Variants in DAB1 observed in about 807,000 individuals in gnomAD.
DAB1 encodes disabled homolog 1.
In DAB1, 15 loss-of-function variants were observed where a neutral mutation model predicts 64.6. The ratio of observed to expected loss-of-function variants is 0.23; its 90% CI spans 0.16 to 0.36. DAB1 has a LOEUF of 0.36. Ranked by LOEUF, DAB1 falls within the 10% of genes least tolerant of loss-of-function variation. The pLI is 1.00. For missense variants in DAB1, 596 were observed against 706.7 expected (o/e 0.84, Z 1.78); for synonymous variants, 235 against 251.9 (o/e 0.93, Z 0.64).
intron 7 of DAB1, among the ~76,000 whole-genome samples, chr1:57,579,203 C>A (rs549117904): frequency 1.3e-5 from 2 of 152,206 alleles, no homozygotes; most frequent in Non-Finnish European, 2.9e-5. Flanking sequence ...GGACTGAGAG[C>A]TAAAGTATAG....
chr1:58,234,478 C>A (rs1659921952), intron 4 of DAB1, among the ~76,000 whole-genome samples: 1 of 152,190 alleles, frequency 6.6e-6, no homozygotes, highest in Non-Finnish European at 1.5e-5. Flanking sequence ...ACCTTCCCAG[C>A]AGGCAATGTG....
intron 2 of DAB1, among the ~76,000 whole-genome samples, chr1:58,510,543 T>G (rs76474507): frequency 0.081 from 12,292 of 152,114 alleles, 522 homozygotes; most frequent in Middle Eastern, 0.16. Flanking sequence ...AACAAAAATT[T>G]TTTCCTCTAA....
At chr1:57,456,472 T>C (rs553300765) in intron 7 of DAB1, among the ~76,000 whole-genome samples, 1 of 152,238 alleles carries the variant, frequency 6.6e-6, no homozygotes, top group Admixed American at 6.5e-5. Flanking sequence ...ATAAAGTAAA[T>C]TTAAAATAAA....
At chr1:57,087,915 G>T (rs1653250720) in intron 4 of DAB1, among the ~76,000 whole-genome samples, 1 of 152,172 alleles carries the variant, frequency 6.6e-6, no homozygotes, top group African/African-American at 2.4e-5. Flanking sequence ...CTGGTGCAGG[G>T]ATCATAATAG....
In DAB1 at chr1:57,011,136, G is replaced by A; in HGVS notation, c.1572+9C>T. 2.5e-6 allele frequency: 4 copies of A among 1,613,814 alleles called. No individual in the cohort carries two copies. The highest frequency in any genetic ancestry group is 2.2e-5 in the South Asian group (2 of 91,040). On this transcript the variant is annotated intron_variant, in intron 13 of 14. Coordinates refer to ENST00000371236, the MANE Select transcript of DAB1 (RefSeq NM_001365792.1). ...AAAAACACAAACAAATAACAAACTGGTCACTTACAGCTTCTTGCTCTTCGC... is the reference window on the plus strand; with the variant it reads ...AAAAACACAAACAAATAACAAACTGATCACTTACAGCTTCTTGCTCTTCGC...
At chr1:57,095,283 G>C (rs573311334) in intron 4 of DAB1, among the ~76,000 whole-genome samples, 266 of 152,302 alleles carry the variant, frequency 1.7e-3, no homozygotes, top group African/African-American at 5.9e-3. Context: ...ACACTGCCTT[G>C]TTGGTTTGTC....
chr1:57,104,492 C>A (rs750911992), intron 4 of DAB1, among the ~76,000 whole-genome samples: 1 of 152,146 alleles, frequency 6.6e-6, no homozygotes, highest in African/African-American at 2.4e-5. Flanking sequence ...GGAATTAGGG[C>A]AGGGAGGGCT....
At chr1:57,805,981 C>A (rs970121024) in intron 6 of DAB1, among the ~76,000 whole-genome samples, 3 of 152,186 alleles carry the variant, frequency 2.0e-5, no homozygotes, top group African/African-American at 7.2e-5. Context: ...CTACTCTTAA[C>A]AAATTAGGTA....
At chr1:57,500,856 G>A (rs1341320) in intron 7 of DAB1, among the ~76,000 whole-genome samples, 120,869 of 152,158 alleles carry the variant, frequency 0.79, 50,672 homozygotes, top group Non-Finnish European at 0.93. Context: ...TGGTCATGGA[G>A]GTGAATTCTG....
At chr1:57,198,868 T>C (rs1472368893) in intron 2 of DAB1, among the ~76,000 whole-genome samples, 1 of 151,906 alleles carries the variant, frequency 6.6e-6, no homozygotes, top group Non-Finnish European at 1.5e-5. Flanking sequence ...TGGAAGGAAG[T>C]GTGGGGCACT....
chr1:58,393,019 T>C (rs954522917), intron 3 of DAB1, among the ~76,000 whole-genome samples: 4 of 152,124 alleles, frequency 2.6e-5, no homozygotes, highest in African/African-American at 9.7e-5. Flanking sequence ...GAGTTCCAGC[T>C]GTGGCTATCT....
At chr1:57,382,747 G>A (rs369472524) in intron 1 of DAB1, among the ~76,000 whole-genome samples, 2 of 152,124 alleles carry the variant, frequency 1.3e-5, no homozygotes, top group African/African-American at 2.4e-5. Context: ...CAGATGGTTC[G>A]ATTGGTCCAC....
At chr1:57,028,652 G>C (rs1646866657) in intron 9 of DAB1, among the ~76,000 whole-genome samples, 3 of 152,168 alleles carry the variant, frequency 2.0e-5, no homozygotes, top group South Asian at 4.1e-4. Context: ...TCAGGCTGAG[G>C]TGGTCTCAGA....
At position 57,889,902 on chromosome 1, in the gene DAB1, G is replaced by C. The variant is rs568302149; in HGVS notation, n.388-5740C>G. Reference sequence around the variant, plus strand: ...CAGATGGTAGCACAAACTGGGGCGGGGGGGGGGGAGGGGGAAGAAATCACT... The same window carrying C: ...CAGATGGTAGCACAAACTGGGGCGGCGGGGGGGGAGGGGGAAGAAATCACT... On this transcript the variant is annotated intron_variant and non_coding_transcript_variant, in intron 5 of 20. Transcript: ENST00000485760. Among the ~76,000 whole-genome samples, 46 of 128,318 alleles carry C rather than the reference G, an allele frequency of 3.6e-4. No individual in the cohort carries two copies. In the East Asian group the frequency reaches 4.7e-3, roughly 13 times the overall value. 84.2% of individuals were successfully genotyped at this position (128,318 alleles called of 152,430 possible).
intron 1 of DAB1, among the ~76,000 whole-genome samples, chr1:57,849,599 C>A (rs184624687): frequency 2.1e-4 from 32 of 152,276 alleles, no homozygotes; most frequent in Admixed American, 1.2e-3. Flanking sequence ...AGAAATGATC[C>A]TCTCTAGGGA....
chr1:58,300,608 GAAAGAGAGAGA>G (rs1662116894), intron 4 of DAB1, among the ~76,000 whole-genome samples: 7 of 35,330 alleles, frequency 2.0e-4, no homozygotes, highest in African/African-American at 9.2e-5. Context: ...AAGAAAGAAA[GAAAGAGAGAGA>G]GAGAGAGAGA....
chr1:57,634,028 C>A (rs552416145), intron 7 of DAB1, among the ~76,000 whole-genome samples: 1 of 152,288 alleles, frequency 6.6e-6, no homozygotes, highest in East Asian at 1.9e-4. Context: ...CTGGCGCATC[C>A]TGGACCATGG....
intron 4 of DAB1, among the ~76,000 whole-genome samples, chr1:58,275,927 C>G (rs940208518): frequency 2.6e-5 from 4 of 152,198 alleles, no homozygotes; most frequent in African/African-American, 9.7e-5. Flanking sequence ...CAGCCCAAAT[C>G]TCTAACAACA....
chr1:58,266,859 C>A (rs1027467825), intron 4 of DAB1, among the ~76,000 whole-genome samples: 1 of 152,038 alleles, frequency 6.6e-6, no homozygotes, highest in Non-Finnish European at 1.5e-5. Context: ...AGCTGTAGTC[C>A]GTACTCTTAC....
Sources: allele counts gnomAD v4.1 joint callset (sites outside exome capture counted in the v4.1 genomes callset), GRCh38; gene constraint gnomAD v4.1.1; transcripts MANE v1.5; gene names NCBI Gene and HGNC (gene_info 2026-07-23, HGNC 2026-07-21).